The following ABCB4 variants were observed in gnomAD, a reference collection of about 807,000 sequenced individuals.
The protein encoded by ABCB4 is ATP binding cassette subfamily B member 4.
In ABCB4, 76 loss-of-function variants were observed where a neutral mutation model predicts 145.7. That is an observed-to-expected ratio of 0.52 (90% CI 0.43 to 0.63). ABCB4 has a LOEUF of 0.63. Ranked by LOEUF, ABCB4 falls within the 30% of genes least tolerant of loss-of-function variation. The probability of loss-of-function intolerance (pLI) is 0.00; values close to 1 mark genes in which losing one functional copy is unlikely to be tolerated. For synonymous variants in ABCB4, 517 were observed against 566.8 expected (o/e 0.91, Z 1.25); for missense variants, 1,234 against 1,553.1 (o/e 0.79, Z 3.45).
Position 87,451,729 on chromosome 7 carries a change from G to T in ABCB4, c.602C>A (p.Thr201Lys), listed in dbSNP as rs753318087. ...TCCCACTATGAATCCTGCAAAAAAC[G>T]TGGCTACTGCTTGAAAGAACATTCC... ...KVGMFFQAVA[T>K]FFAGFIVGFI... The change falls in exon 7 of 28, where the codon ACG (threonine) becomes AAG (lysine). Residue 201 changes from threonine (T) to lysine (K), a missense_variant. Physicochemically the swap from Thr to Lys is moderately conservative, Grantham distance 78 (BLOSUM62 -1). Transcript: ENST00000649586. 7 of 1,614,140 alleles carry T rather than the reference G, an allele frequency of 4.3e-6. No homozygotes were observed. The highest frequency in any genetic ancestry group is 2.2e-5 in the South Asian group (2 of 91,086).
chr7:87,413,506 C>T (rs959428874), intron 22 of ABCB4, 111 bp downstream of exon 22: 6 of 775,350 alleles, frequency 7.7e-6, no homozygotes, highest in African/African-American at 1.7e-5. Flanking sequence ...AAAGGCCACC[C>T]TTATAGTCAT....
Position 87,417,392 on chromosome 7 carries a change from C to A in ABCB4, c.2602G>T (p.Ala868Ser). ...LLLLAVVPII[A>S]VSGIVEMKLL... The stretch of plus-strand genomic sequence containing the variant: ...TTCATTTCAACAATTCCTGACACAG[C>A]AATAATTGGAACAACTGCTAATAGC... Residue 868 changes from alanine to serine, a missense_variant, in exon 21 of 28, where the codon GCT becomes TCT. By Grantham distance (99) the Ala-to-Ser change is moderately conservative. Coordinates refer to ENST00000649586, the MANE Select transcript of ABCB4 (RefSeq NM_000443.4). 2 of 1,614,066 alleles carry A rather than the reference C, an allele frequency of 1.2e-6. No individual in the cohort carries two copies. The highest frequency in any genetic ancestry group is 1.7e-6 in the Non-Finnish European group (2 of 1,180,004).
the ABCB4 span, chr7:87,391,646 G>A: frequency 6.2e-7 from 1 of 1,611,736 alleles, no homozygotes; most frequent in East Asian, 2.2e-5. Flanking sequence ...GCCGTACAGA[G>A]ACTATGCGAT....
chr7:87,456,483 C>G lies in ABCB4; in HGVS notation c.287-1891G>C, dbSNP rs45485693. 4.5e-3 allele frequency among the ~76,000 whole-genome samples: 684 copies of G among 152,266 alleles called. 7 individuals carry two copies. Among genetic ancestry groups the G allele is most frequent in the African/African-American group, 0.015 (636 of 41,564 alleles). The stretch of plus-strand genomic sequence containing the variant: ...GTTAAAGAGAGCCTGGCCTCTCCCT[C>G]CTGCTCCCTCTCTCTCCATGTGACA... On this transcript the variant is annotated intron_variant, in intron 4 of 27. Transcript: ENST00000649586.
At chr7:87,423,357 G>A (rs577859348) in intron 17 of ABCB4, among the ~76,000 whole-genome samples, 2 of 152,246 alleles carry the variant, frequency 1.3e-5, no homozygotes, top group South Asian at 2.1e-4. Context: ...GGTGGCTATC[G>A]CTTTTTGAAT....
chr7:87,394,712 TAAAA>T, the ABCB4 span, among the ~76,000 whole-genome samples: 1 of 152,070 alleles, frequency 6.6e-6, no homozygotes, highest in East Asian at 1.9e-4. Flanking sequence ...TTTCTTGCTA[TAAAA>T]AGGCATACCT....
the ABCB4 span, among the ~76,000 whole-genome samples, chr7:87,395,065 C>CTAA: frequency 6.6e-6 from 1 of 151,952 alleles, no homozygotes; most frequent in Non-Finnish European, 1.5e-5. Flanking sequence ...AGGGACAGAA[C>CTAA]TAATAGGATA....
At chr7:87,394,816 C>T in the ABCB4 span, among the ~76,000 whole-genome samples, 1 of 151,954 alleles carries the variant, frequency 6.6e-6, no homozygotes, top group Non-Finnish European at 1.5e-5. Context: ...GAATTTAATG[C>T]CAGCAAAGGA....
At chr7:87,407,192 G>A (rs1303001084) in intron 25 of ABCB4, among the ~76,000 whole-genome samples, 2 of 152,128 alleles carry the variant, frequency 1.3e-5, no homozygotes, top group Non-Finnish European at 2.9e-5. Flanking sequence ...AAGCTTACAG[G>A]CAAAGGAATA....
At chr7:87,398,538 G>A (rs149253384), downstream of ABCB4, 10 of 1,613,528 alleles carry the variant, frequency 6.2e-6, no homozygotes, top group Non-Finnish European at 7.6e-6. Context: ...GTTGTGGCCT[G>A]TTCAGCCTGG....
In ABCB4 at chr7:87,440,035, T is replaced by G. The variant is rs45568342; in HGVS notation, c.1560+164A>C. On this transcript the variant is annotated intron_variant, in intron 13 of 27. Coordinates refer to ENST00000649586, the MANE Select transcript of ABCB4 (RefSeq NM_000443.4). Reference sequence around the variant, plus strand: ...AAAATTTTATATTAATCATCTACCATGCTATAATCCTTTAACCCCTAACTG... The same window carrying G: ...AAAATTTTATATTAATCATCTACCAGGCTATAATCCTTTAACCCCTAACTG... 0.018 allele frequency among the ~76,000 whole-genome samples: 2,784 copies of G among 152,340 alleles called. 87 individuals are homozygous for G. Among genetic ancestry groups the G allele is most frequent in the African/African-American group, 0.064 (2,649 of 41,570 alleles).
At chr7:87,368,375 T>G in the ABCB4 span, among the ~76,000 whole-genome samples, 2 of 152,082 alleles carry the variant, frequency 1.3e-5, no homozygotes, top group Admixed American at 1.3e-4. Flanking sequence ...GGTCAGGAGA[T>G]GACAGCAATA....
At chr7:87,442,093 A>G (rs1811030138) in intron 12 of ABCB4, among the ~76,000 whole-genome samples, 1 of 152,108 alleles carries the variant, frequency 6.6e-6, no homozygotes, top group South Asian at 2.1e-4. Context: ...CTGTTAACAT[A>G]TGCTTTCTTT....
At chr7:87,433,684 T>TTTTG (rs1810406257) in intron 14 of ABCB4, among the ~76,000 whole-genome samples, 1 of 150,142 alleles carries the variant, frequency 6.7e-6, no homozygotes, top group South Asian at 2.1e-4. Flanking sequence ...TGTTTTTTTT[T>TTTTG]TTTTTTTTTT....
chr7:87,384,589 T>C, the ABCB4 span, among the ~76,000 whole-genome samples: 1 of 152,224 alleles, frequency 6.6e-6, no homozygotes, highest in East Asian at 1.9e-4. Flanking sequence ...TGTGTTGCTA[T>C]TGAGTTTTTT....
downstream of ABCB4, chr7:87,398,915 A>G: frequency 6.2e-6 from 2 of 323,994 alleles, no homozygotes; most frequent in South Asian, 5.2e-5. Flanking sequence ...AGCCTCAACA[A>G]TCCAAATCTA....
chr7:87,418,644 T>C, intron 19 of ABCB4, 24 bp from the exon 20 acceptor site: 1 of 1,608,606 alleles, frequency 6.2e-7, no homozygotes, highest in Non-Finnish European at 8.5e-7. Context: ...TACACGTTTA[T>C]GTTAGTTCAA....
In ABCB4 at chr7:87,468,189, C is replaced by T. The variant is rs144034224; in HGVS notation, c.135+4432G>A. On this transcript the variant is annotated intron_variant, in intron 3 of 27. Transcript: ENST00000649586. ...AGAAAAGAGAGAAGAATCAAATAGA[C>T]GCAATAAAAAATGATAAAGGGGATA... Among the ~76,000 whole-genome samples, 197 of 152,060 alleles carry T rather than the reference C, an allele frequency of 1.3e-3. 1 individual carries two copies. The highest frequency in any genetic ancestry group is 3.6e-3 in the African/African-American group (151 of 41,450).
At chr7:87,475,786 G>C (rs920040822), upstream of ABCB4, 4 of 220,214 alleles carry the variant, frequency 1.8e-5, no homozygotes, top group Non-Finnish European at 2.6e-5. Flanking sequence ...CAGCCAGGGC[G>C]AGGGCCGCGG....
Sources: gnomAD v4.1 joint callset for allele counts (sites outside exome capture counted in the v4.1 genomes callset) on GRCh38, gnomAD v4.1.1 for gene constraint, MANE v1.5 for transcripts, NCBI Gene and HGNC (gene_info 2026-07-23, HGNC 2026-07-21) for gene names.